The following ANXA8 variants were observed in gnomAD, a reference collection of about 807,000 sequenced individuals.
The protein encoded by ANXA8 is VAC-beta.
In ANXA8, 9 loss-of-function variants were observed where a neutral mutation model predicts 26.8. That is an observed-to-expected ratio of 0.34 (90% CI 0.20 to 0.59). The LOEUF (loss-of-function observed/expected upper bound fraction) is 0.59. ANXA8 is among the 20% of genes least tolerant of loss of function. The pLI, the probability that ANXA8 is intolerant of heterozygous loss-of-function variation, is 0.84. For missense variants in ANXA8, 83 were observed against 238.5 expected (o/e 0.35, Z 4.29); for synonymous variants, 39 against 94.8 (o/e 0.41, Z 3.42).
At chr10:47,528,115 T>C in the ANXA8 span, among the ~76,000 whole-genome samples, 99 of 137,462 alleles carry the variant, frequency 7.2e-4, 2 homozygotes, top group Middle Eastern at 3.8e-3. Flanking sequence ...AGTCTTGCTC[T>C]GTCACCCAGG....
At chr10:47,747,954 T>C in the ANXA8 span, among the ~76,000 whole-genome samples, 1 of 151,736 alleles carries the variant, frequency 6.6e-6, no homozygotes, top group African/African-American at 2.4e-5. Flanking sequence ...AACTGTAATA[T>C]AGGACAGAAT....
chr10:47,970,726 GT>G, the ANXA8 span, among the ~76,000 whole-genome samples: 1 of 151,366 alleles, frequency 6.6e-6, no homozygotes, highest in African/African-American at 2.4e-5. Context: ...CTGCCAGTGT[GT>G]TTTTCATTTT....
the ANXA8 span, among the ~76,000 whole-genome samples, chr10:47,669,287 A>G: frequency 6.6e-6 from 1 of 150,756 alleles, no homozygotes; most frequent in Non-Finnish European, 1.5e-5. Flanking sequence ...ATCTGTTACC[A>G]GTTCCTGAGC....
chr10:47,772,662 C>G, the ANXA8 span, among the ~76,000 whole-genome samples: 85 of 151,928 alleles, frequency 5.6e-4, no homozygotes, highest in African/African-American at 2.0e-3. Flanking sequence ...ATCGGTCAAC[C>G]CCAGATTTGA....
the ANXA8 span, among the ~76,000 whole-genome samples, chr10:47,962,479 G>GCAAATATATCA: frequency 7.0e-6 from 1 of 142,702 alleles, no homozygotes; most frequent in Non-Finnish European, 1.6e-5. Flanking sequence ...GTAAACTGTC[G>GCAAATATATCA]TCATTGCAAA....
chr10:47,703,273 A>G, the ANXA8 span, among the ~76,000 whole-genome samples: 1 of 151,732 alleles, frequency 6.6e-6, no homozygotes. Context: ...AGAAAAAAAA[A>G]TAGAGAATTA....
At chr10:47,567,868 G>GT in the ANXA8 span, 2,810 of 376,754 alleles carry the variant, frequency 7.5e-3, 105 homozygotes, top group Middle Eastern at 0.011. Flanking sequence ...AGCATCACAC[G>GT]TTTTTCTAAT....
the ANXA8 span, among the ~76,000 whole-genome samples, chr10:47,757,539 G>A: frequency 5.3e-5 from 4 of 75,536 alleles, 2 homozygotes; most frequent in Non-Finnish European, 1.4e-4. Context: ...CCACAGCTAA[G>A]GAGTCACACC....
At chr10:47,500,446 C>A in the ANXA8 span, among the ~76,000 whole-genome samples, 1 of 150,836 alleles carries the variant, frequency 6.6e-6, no homozygotes, top group South Asian at 2.1e-4. Context: ...TCGGCAGCTG[C>A]CTTCATAAGG....
the ANXA8 span, among the ~76,000 whole-genome samples, chr10:47,524,318 G>A: frequency 6.1e-5 from 8 of 131,818 alleles, no homozygotes; most frequent in Non-Finnish European, 1.3e-4. Flanking sequence ...GTCTTCCAAC[G>A]AGTGGTCATT....
At chr10:47,509,946 A>T in the ANXA8 span, among the ~76,000 whole-genome samples, 3 of 142,550 alleles carry the variant, frequency 2.1e-5, 1 homozygote. Context: ...GCATAAAGAC[A>T]TCAAAAAGAC....
chr10:47,571,805 C>T, the ANXA8 span, among the ~76,000 whole-genome samples: 1 of 146,892 alleles, frequency 6.8e-6, no homozygotes, highest in Non-Finnish European at 1.5e-5. Flanking sequence ...ACCTGGCTAA[C>T]TTTTTAATTT....
the ANXA8 span, among the ~76,000 whole-genome samples, chr10:47,708,015 TACACCA>T: frequency 4.3e-5 from 6 of 139,494 alleles, no homozygotes; most frequent in Non-Finnish European, 9.5e-5. Flanking sequence ...GTGGTACATA[TACACCA>T]TGGAATTCTA....
the ANXA8 span, chr10:47,750,923 A>G: frequency 6.6e-6 from 1 of 151,042 alleles, no homozygotes; most frequent in Non-Finnish European, 1.5e-5. Flanking sequence ...TCAACAGTCA[A>G]TTAGTATAAG....
the ANXA8 span, among the ~76,000 whole-genome samples, chr10:47,529,169 A>G: frequency 2.1e-5 from 3 of 144,150 alleles, no homozygotes; most frequent in Non-Finnish European, 1.5e-5. Context: ...TAATCACAAT[A>G]AAGTTTTACG....
At chr10:47,570,703 G>A in the ANXA8 span, among the ~76,000 whole-genome samples, 1 of 150,766 alleles carries the variant, frequency 6.6e-6, no homozygotes, top group African/African-American at 2.5e-5. Context: ...AGCCTGGGAG[G>A]TTGAGGCTAC....
the ANXA8 span, among the ~76,000 whole-genome samples, chr10:47,536,520 G>T: frequency 4.1e-5 from 5 of 121,058 alleles, no homozygotes; most frequent in Admixed American, 8.2e-5. Flanking sequence ...CATACTGGTA[G>T]TTTGTTGTAG....
chr10:47,551,506 G>T, the ANXA8 span, among the ~76,000 whole-genome samples: 2 of 151,790 alleles, frequency 1.3e-5, no homozygotes, highest in African/African-American at 2.4e-5. Flanking sequence ...AGTTTAGGAA[G>T]AATCAAATTC....
chr10:47,475,132 C>T (rs1839477722), intron 6 of ANXA8, 128 bp from the exon 7 acceptor site: 3 of 1,398,304 alleles, frequency 2.1e-6, no homozygotes, highest in Middle Eastern at 4.7e-4. Flanking sequence ...CTTCGACAAG[C>T]CAGTTATTCT....
Sources: gnomAD v4.1 joint callset for allele counts (sites outside exome capture counted in the v4.1 genomes callset) on GRCh38, gnomAD v4.1.1 for gene constraint, MANE v1.5 for transcripts, NCBI Gene and HGNC (gene_info 2026-07-23, HGNC 2026-07-21) for gene names.